Variants in BLNK observed in about 807,000 individuals in gnomAD.
The protein encoded by BLNK is B-cell linker protein.
In BLNK, 29 loss-of-function variants were observed where a neutral mutation model predicts 73.5. The ratio of observed to expected loss-of-function variants is 0.39; its 90% CI spans 0.29 to 0.54. The LOEUF is 0.54. Among genes scored for constraint, BLNK ranks in the 20% least tolerant of loss-of-function variants. The probability of loss-of-function intolerance (pLI) is 0.61; values close to 1 mark genes in which losing one functional copy is unlikely to be tolerated. For synonymous variants in BLNK, 176 were observed against 200.8 expected (o/e 0.88, Z 1.04); for missense variants, 460 against 562.8 (o/e 0.82, Z 1.85).
At chr10:96,199,963 G>T in intron 15 of BLNK, 112 bp downstream of exon 15, 1 of 657,232 alleles carries the variant, frequency 1.5e-6, no homozygotes, top group Non-Finnish European at 2.2e-6. Flanking sequence ...GGCAGGCAGA[G>T]GTTGCAGTGA....
At chr10:96,229,654 CTGTGTGTG>C (rs10625497) in intron 4 of BLNK, among the ~76,000 whole-genome samples, 174 of 142,666 alleles carry the variant, frequency 1.2e-3, no homozygotes, top group Non-Finnish European at 1.4e-3. Context: ...TTACATGTGG[CTGTGTGTG>C]TGTGTGTGTG....
Position 96,227,498 on chromosome 10 carries a change from G to A in BLNK, c.273C>T (p.Asn91=), listed in dbSNP as rs200794859. 7.4e-6 allele frequency: 12 copies of A among 1,614,106 alleles called. No individual in the cohort carries two copies. Among genetic ancestry groups the A allele is most frequent in the South Asian group, 1.1e-5 (1 of 91,090 alleles). Residue 91 remains asparagine, a synonymous_variant, in exon 5 of 17, where the codon AAC becomes AAT. Coordinates refer to ENST00000224337, the MANE Select transcript of BLNK (RefSeq NM_013314.4). ...SEMYVMPAEE[N]ADDSYEPPPV... ...GAGGCGGCTCGTAGCTGTCATCAGC[G>A]TTCTCCTCGGCGGGCATCACGTACA... is the stretch of plus-strand genomic sequence containing the variant.
At chr10:96,259,168 C>T (rs1170512281) in intron 1 of BLNK, among the ~76,000 whole-genome samples, 1 of 152,220 alleles carries the variant, frequency 6.6e-6, no homozygotes, top group Non-Finnish European at 1.5e-5. Context: ...TCTTTGGATA[C>T]CTTCCTCTCT....
At chr10:96,214,822 G>A (rs1314402001) in intron 8 of BLNK, among the ~76,000 whole-genome samples, 3 of 152,086 alleles carry the variant, frequency 2.0e-5, no homozygotes, top group Admixed American at 6.5e-5. Flanking sequence ...TAAGAGTTTC[G>A]CATTCACATT....
At position 96,247,069 on chromosome 10, in the gene BLNK, A is replaced by G; in HGVS notation, c.48-20T>C. ...AGCTGCCTGTAAAAAACAAAATTAA[A>G]CATAAGATATTAATAACCAGTCTGA... is the stretch of plus-strand genomic sequence containing the variant. On this transcript the variant is annotated intron_variant, in intron 1 of 16. Coordinates refer to ENST00000224337, the MANE Select transcript of BLNK (RefSeq NM_013314.4). 1 of 1,552,422 alleles carries G rather than the reference A, an allele frequency of 6.4e-7. No homozygotes were observed. The highest frequency in any genetic ancestry group is 1.2e-5 in the South Asian group (1 of 85,612).
intron 5 of BLNK, among the ~76,000 whole-genome samples, 188 bp from the exon 6 acceptor site, chr10:96,224,177 C>T (rs781864342): frequency 7.9e-5 from 12 of 152,124 alleles, no homozygotes; most frequent in Non-Finnish European, 1.5e-5. Flanking sequence ...TTGACTTAAA[C>T]GACAAAAACT....
At chr10:96,220,214 C>T (rs1463993216) in intron 6 of BLNK, among the ~76,000 whole-genome samples, 1 of 152,044 alleles carries the variant, frequency 6.6e-6, no homozygotes, top group African/African-American at 2.4e-5. Flanking sequence ...GAGAGAGATG[C>T]TCTCCTCTCT....
intron 1 of BLNK, 104 bp from the exon 2 acceptor site, chr10:96,247,153 A>C: frequency 1.3e-6 from 1 of 749,910 alleles, no homozygotes; most frequent in Admixed American, 2.4e-5. Flanking sequence ...AAACTCTACC[A>C]AAACAACCTC....
intron 1 of BLNK, among the ~76,000 whole-genome samples, chr10:96,247,763 G>A (rs1554908022): frequency 6.6e-6 from 1 of 152,168 alleles, no homozygotes; most frequent in Non-Finnish European, 1.5e-5. Context: ...AAGTCTTCCT[G>A]TGTAACTTTG....
chr10:96,265,935 C>G (rs1019601377), intron 1 of BLNK, among the ~76,000 whole-genome samples: 35 of 152,108 alleles, frequency 2.3e-4, no homozygotes, highest in Non-Finnish European at 4.7e-4. Context: ...ACCAAATGTT[C>G]CCTTGGGGAC....
intron 8 of BLNK, among the ~76,000 whole-genome samples, chr10:96,214,166 A>G (rs1338980099): frequency 3.9e-5 from 6 of 152,256 alleles, no homozygotes; most frequent in South Asian, 2.1e-4. Flanking sequence ...ACACGCGCAT[A>G]TGTGTGCCTA....
chr10:96,195,267 T>C (rs2083437193), intron 16 of BLNK, among the ~76,000 whole-genome samples: 1 of 152,092 alleles, frequency 6.6e-6, no homozygotes, highest in South Asian at 2.1e-4. Context: ...TCTCAAAAAA[T>C]TAAAAATAGA....
chr10:96,246,071 A>T (rs1194675842), intron 2 of BLNK, among the ~76,000 whole-genome samples: 1 of 152,020 alleles, frequency 6.6e-6, no homozygotes, highest in African/African-American at 2.4e-5. Context: ...GGTATATAAG[A>T]CCTACTAAGG....
At chr10:96,195,039 G>A (rs2083430286) in intron 16 of BLNK, among the ~76,000 whole-genome samples, 2 of 151,990 alleles carry the variant, frequency 1.3e-5, no homozygotes, top group Admixed American at 6.6e-5. Flanking sequence ...AAAGTGCTGG[G>A]ATTACAGGCG....
At chr10:96,245,194 C>T (rs1372174570) in intron 2 of BLNK, among the ~76,000 whole-genome samples, 1 of 152,036 alleles carries the variant, frequency 6.6e-6, no homozygotes, top group Non-Finnish European at 1.5e-5. Flanking sequence ...ATTTACATTT[C>T]ATAGTCTGGA....
intron 5 of BLNK, among the ~76,000 whole-genome samples, chr10:96,224,463 C>T (rs6584056): frequency 0.46 from 69,993 of 152,026 alleles, 16,401 homozygotes; most frequent in South Asian, 0.52. Context: ...TGATTACTCA[C>T]GTGGATCAAC....
intron 8 of BLNK, among the ~76,000 whole-genome samples, chr10:96,213,280 C>T (rs2083988346): frequency 6.6e-6 from 1 of 152,154 alleles, no homozygotes; most frequent in African/African-American, 2.4e-5. Context: ...GGGATCTGTC[C>T]CAGCTTGGGG....
chr10:96,212,507 C>T (rs2083971529), intron 8 of BLNK, among the ~76,000 whole-genome samples: 1 of 152,172 alleles, frequency 6.6e-6, no homozygotes, highest in African/African-American at 2.4e-5. Flanking sequence ...CAAAGTCCGG[C>T]ACCTAGCAAA....
intron 1 of BLNK, among the ~76,000 whole-genome samples, chr10:96,248,770 G>A (rs117559494): frequency 0.019 from 2,891 of 152,100 alleles, 20 homozygotes; most frequent in South Asian, 0.044. Context: ...AATTATGATA[G>A]ATCCATGCAA....
Sources: allele counts gnomAD v4.1 joint callset (sites outside exome capture counted in the v4.1 genomes callset), GRCh38; gene constraint gnomAD v4.1.1; transcripts MANE v1.5; gene names NCBI Gene and HGNC (gene_info 2026-07-23, HGNC 2026-07-21).